The following PLVAP variants were observed in gnomAD, a reference collection of about 807,000 sequenced individuals.
PLVAP encodes the protein plasmalemma vesicle associated protein.
A neutral mutation model predicts 43.1 loss-of-function variants in PLVAP; 34 were observed. The observed-to-expected ratio is 0.79, with a 90% CI of 0.60 to 1.05. PLVAP has a LOEUF of 1.05. Among genes scored for constraint, PLVAP ranks in the 50% least tolerant of loss-of-function variants. The probability of loss-of-function intolerance (pLI) is 0.00; values close to 1 mark genes in which losing one functional copy is unlikely to be tolerated. For synonymous variants in PLVAP, 241 were observed against 237.3 expected, an observed-to-expected ratio of 1.02 and a Z score of -0.14; for missense variants, 574 against 593.4, an observed-to-expected ratio of 0.97 and a Z score of 0.34.
intron 5 of PLVAP, among the ~76,000 whole-genome samples, chr19:17,354,387 A>G (rs1203418461): frequency 5.3e-5 from 8 of 152,116 alleles, no homozygotes; most frequent in Middle Eastern, 3.4e-3. Context: ...ACCTGAGGTC[A>G]GGAGTTTAAG....
intron 3 of PLVAP, among the ~76,000 whole-genome samples, chr19:17,364,138 T>G (rs1415256033): frequency 1.7e-4 from 26 of 151,902 alleles, no homozygotes; most frequent in Non-Finnish European, 1.5e-5. Context: ...CAGGCTGGAG[T>G]GCAATGGCAT....
intron 5 of PLVAP, among the ~76,000 whole-genome samples, chr19:17,355,604 C>T (rs1008132902): frequency 6.6e-6 from 1 of 151,116 alleles, no homozygotes; most frequent in Non-Finnish European, 1.5e-5. Flanking sequence ...TCTCAGCTCA[C>T]TGCAACCTCC....
chr19:17,356,780 T>C (rs1017414480), intron 5 of PLVAP, among the ~76,000 whole-genome samples: 1 of 151,358 alleles, frequency 6.6e-6, no homozygotes, highest in South Asian at 2.1e-4. Context: ...ACCAACATGG[T>C]GAAACCCCGT....
intron 1 of PLVAP, among the ~76,000 whole-genome samples, chr19:17,375,981 G>A (rs2074593672): frequency 6.6e-6 from 1 of 151,266 alleles, no homozygotes. Flanking sequence ...AGGAGTTCAA[G>A]ACCAGCCTGA....
Position 17,352,307 on chromosome 19 carries a change from T to A in PLVAP, c.*55A>T, listed in dbSNP as rs1419517565. On this transcript the variant is annotated 3_prime_UTR_variant, in exon 6 of 6. Coordinates refer to ENST00000252590, the MANE Select transcript of PLVAP (RefSeq NM_031310.3). The stretch of plus-strand genomic sequence containing the variant: ...CGGGCGCTGTGAGCATATCCCTGCA[T>A]CCTCCGCAAACCGCCGAGTCGGGCC... 1 of 1,609,166 alleles carries A rather than the reference T, an allele frequency of 6.2e-7. No individual in the cohort carries two copies. Among genetic ancestry groups the A allele is most frequent in the Non-Finnish European group, 8.5e-7 (1 of 1,176,334 alleles).
At chr19:17,371,893 G>C (rs2074573523) in intron 1 of PLVAP, among the ~76,000 whole-genome samples, 1 of 152,070 alleles carries the variant, frequency 6.6e-6, no homozygotes, top group Non-Finnish European at 1.5e-5. Flanking sequence ...GAAGAATCAG[G>C]AGAGTTTGTC....
intron 1 of PLVAP, among the ~76,000 whole-genome samples, chr19:17,371,158 A>T (rs2074570635): frequency 6.6e-6 from 1 of 151,544 alleles, no homozygotes; most frequent in South Asian, 2.1e-4. Flanking sequence ...TTTAAAAATT[A>T]TTTATTATTA....
intron 5 of PLVAP, among the ~76,000 whole-genome samples, chr19:17,352,828 T>G (rs1286818318): frequency 3.3e-5 from 5 of 152,126 alleles, no homozygotes; most frequent in Admixed American, 3.3e-4. Context: ...TGCTCACATG[T>G]CCTCCATGGC....
In PLVAP at chr19:17,365,618, C is replaced by T. The variant is rs765104141; in HGVS notation, c.847G>A (p.Val283Met). The change falls in exon 3 of 6, where the codon GTG becomes ATG. Residue 283 changes from valine to methionine, a missense_variant. By Grantham distance (21) the Val-to-Met change is conservative. Transcript: ENST00000252590. The stretch of plus-strand genomic sequence containing the variant: ...CGGAGGCTCCGGGCCAGCTCCTCCA[C>T]CTTGGAGCTCATGAGGCTGGGCATG... ...DHMPSLMSSK[V>M]EELARSLRAD... 1.9e-5 allele frequency: 30 copies of T among 1,613,382 alleles called. 1 individual carries two copies. The highest frequency in any genetic ancestry group is 2.4e-5 in the Non-Finnish European group (28 of 1,180,032).
At chr19:17,368,323 C>T (rs555051844) in intron 1 of PLVAP, among the ~76,000 whole-genome samples, 65 of 152,012 alleles carry the variant, frequency 4.3e-4, no homozygotes, top group African/African-American at 1.5e-3. Flanking sequence ...CCGCCCACCT[C>T]GGCCTCCTAA....
intron 1 of PLVAP, among the ~76,000 whole-genome samples, chr19:17,371,744 A>G (rs939716287): frequency 1.3e-5 from 2 of 152,194 alleles, no homozygotes; most frequent in African/African-American, 4.8e-5. Flanking sequence ...TGGCCTCCCA[A>G]AATGTTGGGA....
rs1222003329 is a variant in PLVAP, at chr19:17,377,341, C to T, written c.-53G>A. The T allele has an allele frequency of 2.9e-6, 4 of 1,403,500 alleles. No homozygotes were observed. In the African/African-American group the frequency reaches 5.7e-5, roughly 20 times the overall value. 86.9% of individuals were successfully genotyped at this position (1,403,500 alleles called of 1,614,324 possible). A position where few individuals can be genotyped will look rare whatever the true frequency, so the allele number is the denominator to read the frequency against. On this transcript the variant is annotated 5_prime_UTR_variant, in exon 1 of 6. Coordinates refer to ENST00000252590, the MANE Select transcript of PLVAP (RefSeq NM_031310.3). ...GTCCCTGCTCACCACCAGGCCTGCT[C>T]TGGCCCCCGCCTCGCAGGGGGGAGT...
intron 1 of PLVAP, among the ~76,000 whole-genome samples, chr19:17,368,966 G>T (rs2074561076): frequency 6.6e-6 from 1 of 151,972 alleles, no homozygotes. Context: ...CTGGGTGACA[G>T]AGCGAGACTC....
intron 5 of PLVAP, among the ~76,000 whole-genome samples, chr19:17,353,898 A>T (rs1262143221): frequency 6.7e-6 from 1 of 148,732 alleles, no homozygotes; most frequent in East Asian, 2.0e-4. Context: ...CTCAATAAAT[A>T]CGGCTCGAAT....
At chr19:17,360,713 G>A in intron 4 of PLVAP, 59 bp downstream of exon 4, 2 of 1,583,008 alleles carry the variant, frequency 1.3e-6, no homozygotes, top group Non-Finnish European at 1.7e-6. Context: ...TGGGGCTGGG[G>A]TGGGGTTCGA....
Position 17,365,319 on chromosome 19 carries a change from T to C in PLVAP, c.1146A>G (p.Arg382=), listed in dbSNP as rs748929936. The change falls in exon 3 of 6, where the codon AGA becomes AGG. Residue 382 remains arginine (R), a synonymous_variant. Coordinates refer to ENST00000252590, the MANE Select transcript of PLVAP (RefSeq NM_031310.3). ...TGATGCAGGTGTCCAGGGCTGAGTTTCTGATGGCCAGCTCCATCCTGAGCT... is the reference window on the plus strand; with the variant it reads ...TGATGCAGGTGTCCAGGGCTGAGTTCCTGATGGCCAGCTCCATCCTGAGCT... The part of the protein sequence containing the change: ...AEQLRMELAI[R]NSALDTCIKT... 6.2e-6 allele frequency: 10 copies of C among 1,613,174 alleles called. No homozygotes were observed. The highest frequency in any genetic ancestry group is 5.9e-6 in the Non-Finnish European group (7 of 1,179,964).
intron 1 of PLVAP, among the ~76,000 whole-genome samples, chr19:17,374,292 C>T (rs1175715441): frequency 2.6e-5 from 4 of 152,104 alleles, no homozygotes; most frequent in Non-Finnish European, 5.9e-5. Flanking sequence ...CAGTGAAACC[C>T]GGTCTCTACT....
intron 5 of PLVAP, among the ~76,000 whole-genome samples, chr19:17,359,505 A>G (rs1044783202): frequency 6.6e-6 from 1 of 151,706 alleles, no homozygotes; most frequent in Non-Finnish European, 1.5e-5. Context: ...TCCCGGGTTC[A>G]AGTGATTCTC....
intron 5 of PLVAP, among the ~76,000 whole-genome samples, chr19:17,355,223 C>A: frequency 1.8e-5 from 1 of 55,004 alleles, no homozygotes; most frequent in Admixed American, 1.9e-4. Flanking sequence ...GACTCCATCT[C>A]AAAATAATAA....
Sources: gnomAD v4.1 joint callset for allele counts (sites outside exome capture counted in the v4.1 genomes callset) on GRCh38, gnomAD v4.1.1 for gene constraint, MANE v1.5 for transcripts, NCBI Gene and HGNC (gene_info 2026-07-23, HGNC 2026-07-21) for gene names.